Variants in CCDC171 observed in about 807,000 individuals in gnomAD.
The protein encoded by CCDC171 is coiled-coil domain containing 171.
In CCDC171, 177 loss-of-function variants were observed where a neutral mutation model predicts 168.2. The observed-to-expected ratio is 1.05, with a 90% confidence interval of 0.93 to 1.19. The LOEUF is 1.19. Ranked by LOEUF, CCDC171 falls within the 50% of genes most tolerant of loss-of-function variation. CCDC171 has a pLI of 0.00. For synonymous variants in CCDC171, 687 were observed against 540.8 expected (o/e 1.27, Z -3.75); for missense variants, 1,991 against 1,539.0 (o/e 1.29, Z -4.91).
intron 25 of CCDC171, among the ~76,000 whole-genome samples, chr9:15,940,462 T>C (rs1474354984): frequency 6.6e-6 from 1 of 151,946 alleles, no homozygotes; most frequent in Non-Finnish European, 1.5e-5. Flanking sequence ...CAATAATTTC[T>C]TAATGGAAAT....
chr9:15,922,520 A>G (rs1002641400), intron 25 of CCDC171, among the ~76,000 whole-genome samples: 2 of 151,554 alleles, frequency 1.3e-5, no homozygotes, highest in African/African-American at 4.8e-5. Flanking sequence ...GACTAGCACA[A>G]TTTAAAAAAT....
At chr9:15,793,711 G>A (rs972693024) in intron 21 of CCDC171, among the ~76,000 whole-genome samples, 1 of 151,558 alleles carries the variant, frequency 6.6e-6, no homozygotes, top group African/African-American at 2.4e-5. Context: ...CACAACACCT[G>A]GCTAAGTTTT....
rs369956287 is a variant in CCDC171 at position 15,779,129 on chromosome 9, A to G, written c.3060A>G (p.Gln1020=). 9 of 1,580,066 alleles carry G rather than the reference A, an allele frequency of 5.7e-6. No individual in the cohort carries two copies. The African/African-American group carries it at 8.2e-5, about 14-fold the overall frequency. ...ELDKAQGLQM[Q]LNEFKQSKLI... ...ACAAAGCCCAGGGTCTGCAAATGCA[A>G]TTAAATGAATTTAAGCAGTCTGTAA... Residue 1020 remains glutamine (Q), a synonymous_variant, in exon 20 of 26, where the codon CAA becomes CAG. Coordinates refer to ENST00000380701, the MANE Select transcript of CCDC171 (RefSeq NM_173550.4).
chr9:15,622,847 C>T (rs2044611400), intron 6 of CCDC171, among the ~76,000 whole-genome samples: 1 of 152,056 alleles, frequency 6.6e-6, no homozygotes, highest in Non-Finnish European at 1.5e-5. Context: ...ACCGTGAGCT[C>T]ATGTAAGCAT....
chr9:15,866,884 T>C (rs564319354), intron 23 of CCDC171, among the ~76,000 whole-genome samples: 1 of 152,076 alleles, frequency 6.6e-6, no homozygotes. Context: ...AGTAGGCACT[T>C]AATGAATGTT....
the CCDC171 span, among the ~76,000 whole-genome samples, chr9:16,069,212 A>G: frequency 5.9e-5 from 9 of 152,246 alleles, no homozygotes; most frequent in African/African-American, 2.2e-4. Context: ...AGAAAAAAAC[A>G]TCTCATGGAA....
chr9:15,708,081 C>A (rs558159414), intron 11 of CCDC171, among the ~76,000 whole-genome samples: 1 of 152,200 alleles, frequency 6.6e-6, no homozygotes, highest in Non-Finnish European at 1.5e-5. Context: ...CTCCTGACTT[C>A]AGGTGATCTG....
chr9:15,635,071 G>C (rs757371704), intron 7 of CCDC171, among the ~76,000 whole-genome samples: 2 of 152,018 alleles, frequency 1.3e-5, no homozygotes, highest in Non-Finnish European at 2.9e-5. Flanking sequence ...TATTTGTCAG[G>C]GTTCTCTAAA....
intron 11 of CCDC171, among the ~76,000 whole-genome samples, chr9:15,701,610 C>T (rs2051748164): frequency 1.5e-5 from 2 of 133,932 alleles, no homozygotes; most frequent in Admixed American, 8.9e-5. Context: ...GACAGAGTAT[C>T]GCACTGTTGT....
chr9:15,641,390 A>G (rs956385642), intron 7 of CCDC171, among the ~76,000 whole-genome samples: 3 of 152,144 alleles, frequency 2.0e-5, no homozygotes, highest in Non-Finnish European at 4.4e-5. Context: ...TAAGCTGAAT[A>G]TATTTGGGGA....
chr9:15,893,587 AAAAC>A (rs1203312566), intron 24 of CCDC171, among the ~76,000 whole-genome samples: 2 of 152,160 alleles, frequency 1.3e-5, no homozygotes, highest in African/African-American at 4.8e-5. Flanking sequence ...TTTACAAGAA[AAAAC>A]AAACAGCCCC....
intron 6 of CCDC171, among the ~76,000 whole-genome samples, chr9:15,611,552 G>A (rs1030961100): frequency 2.0e-5 from 3 of 152,058 alleles, no homozygotes; most frequent in Non-Finnish European, 2.9e-5. Flanking sequence ...CAGTGCTCAG[G>A]GCGCTGTGAG....
At chr9:15,877,587 C>T (rs192031507) in intron 24 of CCDC171, among the ~76,000 whole-genome samples, 5 of 152,186 alleles carry the variant, frequency 3.3e-5, no homozygotes, top group East Asian at 1.9e-4. Context: ...TGAAACCTTT[C>T]GTTTAAGTTC....
intron 21 of CCDC171, among the ~76,000 whole-genome samples, chr9:15,790,486 C>G (rs1234970455): frequency 6.6e-6 from 1 of 152,064 alleles, no homozygotes; most frequent in Non-Finnish European, 1.5e-5. Context: ...TTTATAGATT[C>G]TGGATATTAG....
intron 3 of CCDC171, among the ~76,000 whole-genome samples, chr9:16,002,400 A>G (rs1832577960): frequency 6.6e-6 from 1 of 151,992 alleles, no homozygotes; most frequent in Admixed American, 6.6e-5. Flanking sequence ...TTTAACAAAA[A>G]GGTTCAGAAA....
chr9:15,995,986 T>C (rs557970310), intron 3 of CCDC171, among the ~76,000 whole-genome samples: 6 of 152,218 alleles, frequency 3.9e-5, no homozygotes, highest in Non-Finnish European at 7.3e-5. Flanking sequence ...AAAACCCCAG[T>C]AGTTTATTCT....
chr9:15,841,665 T>G (rs1187042848), intron 21 of CCDC171, among the ~76,000 whole-genome samples: 2 of 151,988 alleles, frequency 1.3e-5, no homozygotes, highest in African/African-American at 4.8e-5. Context: ...AGATCGAAAT[T>G]TATTCAGATA....
At chr9:15,893,878 A>C (rs1431498600) in intron 24 of CCDC171, among the ~76,000 whole-genome samples, 1 of 152,166 alleles carries the variant, frequency 6.6e-6, no homozygotes, top group Non-Finnish European at 1.5e-5. Context: ...GATTCCTCAA[A>C]GACCTAGAGG....
chr9:15,815,694 C>A (rs2059540491), intron 21 of CCDC171, among the ~76,000 whole-genome samples: 1 of 116,396 alleles, frequency 8.6e-6, no homozygotes, highest in East Asian at 2.1e-4. Context: ...CACTCATTTT[C>A]TTTAAAAAAT....
Sources: allele counts gnomAD v4.1 joint callset (sites outside exome capture counted in the v4.1 genomes callset), GRCh38; gene constraint gnomAD v4.1.1; transcripts MANE v1.5; gene names NCBI Gene and HGNC (gene_info 2026-07-23, HGNC 2026-07-21).